The following SAMSN1 variants were observed in gnomAD, a reference collection of about 807,000 sequenced individuals.
SAMSN1 encodes SAM domain, SH3 domain and nuclear localization signals 1.
In SAMSN1, 31 loss-of-function variants were observed where a neutral mutation model predicts 42.0. The ratio of observed to expected loss-of-function variants is 0.74; its 90% CI spans 0.55 to 1.00. The LOEUF (loss-of-function observed/expected upper bound fraction) is 1.00. SAMSN1 is among the 50% of genes least tolerant of loss of function. The pLI is 0.00. For missense variants in SAMSN1, 464 were observed against 439.4 expected, an observed-to-expected ratio of 1.06 and a Z score of -0.50; for synonymous variants, 178 against 151.9, an observed-to-expected ratio of 1.17 and a Z score of -1.26.
intron 5 of SAMSN1, among the ~76,000 whole-genome samples, chr21:14,501,819 A>G (rs1393837419): frequency 6.6e-6 from 1 of 152,246 alleles, no homozygotes; most frequent in African/African-American, 2.4e-5. Flanking sequence ...TTTAGATTGA[A>G]GTATGAATGA....
At chr21:14,554,576 G>A (rs1980697693) in intron 2 of SAMSN1, among the ~76,000 whole-genome samples, 1 of 151,950 alleles carries the variant, frequency 6.6e-6, no homozygotes, top group African/African-American at 2.4e-5. Context: ...TATGTCTGGA[G>A]ATTGTGCTCT....
intron 6 of SAMSN1, among the ~76,000 whole-genome samples, chr21:14,600,612 C>T (rs543796819): frequency 6.6e-6 from 1 of 152,150 alleles, no homozygotes; most frequent in African/African-American, 2.4e-5. Flanking sequence ...ATTCAAAGAA[C>T]TTTCTATGTT....
intron 5 of SAMSN1, among the ~76,000 whole-genome samples, chr21:14,509,341 G>A (rs1299588525): frequency 6.6e-6 from 1 of 152,144 alleles, no homozygotes; most frequent in Non-Finnish European, 1.5e-5. Flanking sequence ...TCATAAGCAA[G>A]AGCTAAGCTA....
At chr21:14,549,119 G>A (rs1201445456), upstream of SAMSN1, among the ~76,000 whole-genome samples, 4 of 152,156 alleles carry the variant, frequency 2.6e-5, no homozygotes, top group East Asian at 7.7e-4. Context: ...AAAGTAAGGT[G>A]AGCCATAAAA....
chr21:14,520,434 T>C (rs1222857747), intron 2 of SAMSN1, among the ~76,000 whole-genome samples: 1 of 152,252 alleles, frequency 6.6e-6, no homozygotes, highest in African/African-American at 2.4e-5. Flanking sequence ...ATACTCACAT[T>C]GTTTTATAGT....
intron 1 of SAMSN1, among the ~76,000 whole-genome samples, chr21:14,523,112 G>A (rs1978599555): frequency 6.6e-6 from 1 of 152,092 alleles, no homozygotes; most frequent in Non-Finnish European, 1.5e-5. Context: ...AACTGTTTTT[G>A]GAGGACCTGC....
At chr21:14,552,756 G>A (rs1042604826) in intron 2 of SAMSN1, among the ~76,000 whole-genome samples, 7 of 152,082 alleles carry the variant, frequency 4.6e-5, no homozygotes, top group African/African-American at 1.2e-4. Flanking sequence ...CCATTTGCTC[G>A]AGTTGGAGGT....
intron 6 of SAMSN1, among the ~76,000 whole-genome samples, chr21:14,500,054 C>A (rs543422415): frequency 3.3e-5 from 5 of 152,074 alleles, no homozygotes; most frequent in Non-Finnish European, 7.4e-5. Context: ...AATCATTATG[C>A]GGCTTGATGA....
At chr21:14,549,812 C>T (rs572845026), upstream of SAMSN1, among the ~76,000 whole-genome samples, 3 of 152,120 alleles carry the variant, frequency 2.0e-5, no homozygotes, top group East Asian at 5.8e-4. Flanking sequence ...TTTTGGCCCC[C>T]TCAGAGTAGA....
chr21:14,606,898 C>T (rs1181317189), intron 5 of SAMSN1, among the ~76,000 whole-genome samples: 1 of 152,152 alleles, frequency 6.6e-6, no homozygotes, highest in Non-Finnish European at 1.5e-5. Flanking sequence ...AGACAGAAAT[C>T]TTAGCTAAAT....
upstream of SAMSN1, among the ~76,000 whole-genome samples, chr21:14,549,410 G>T (rs1369434856): frequency 6.6e-6 from 1 of 152,090 alleles, no homozygotes; most frequent in Non-Finnish European, 1.5e-5. Context: ...AAATCTTTTA[G>T]AATGAAAGTA....
At chr21:14,535,000 T>A (rs1979515096) in intron 1 of SAMSN1, among the ~76,000 whole-genome samples, 1 of 152,032 alleles carries the variant, frequency 6.6e-6, no homozygotes, top group Non-Finnish European at 1.5e-5. Context: ...TAGATAAGAA[T>A]TCATGAGTTG....
rs147767494 is a variant in SAMSN1 at position 14,523,574 on chromosome 21, C to T, written c.58-2353G>A. Among the ~76,000 whole-genome samples, 18 of 152,264 alleles carry T rather than the reference C, an allele frequency of 1.2e-4. No individual in the cohort carries two copies. The South Asian group carries it at 1.2e-3, about 11-fold the overall frequency. ...TCAGCAATCACAGAAGGGAATTGAG[C>T]GTATTGTTGTCCTGCTTATAAACAA... On this transcript the variant is annotated intron_variant, in intron 1 of 7. Coordinates refer to ENST00000400566, the MANE Select transcript of SAMSN1 (RefSeq NM_022136.5).
chr21:14,576,740 T>G (rs1303092505), intron 2 of SAMSN1, among the ~76,000 whole-genome samples: 3 of 152,204 alleles, frequency 2.0e-5, no homozygotes, highest in Admixed American at 1.3e-4. Context: ...TACCTTTAAG[T>G]ACAGCTTTGT....
intron 5 of SAMSN1, among the ~76,000 whole-genome samples, chr21:14,510,055 C>T (rs552573174): frequency 1.3e-5 from 2 of 151,686 alleles, no homozygotes; most frequent in East Asian, 1.9e-4. Context: ...AGGAGAATGG[C>T]GTGAACCCGG....
rs767931839 is a variant in SAMSN1, at chr21:14,577,238, GTATATATATATATATATA to G, written c.261+4880_261+4897del. Among the ~76,000 whole-genome samples the G allele has an allele frequency of 6.2e-3, 174 of 28,176 alleles. 5 individuals are homozygous for G. The highest frequency in any genetic ancestry group is 6.8e-3 in the Non-Finnish European group (117 of 17,274). The allele number at this position is 28,176 out of a possible 152,430, so 18.5% of individuals were successfully genotyped here. On this transcript the variant is annotated intron_variant, in intron 2 of 8. Coordinates refer to the SAMSN1 transcript ENST00000285670. ...GGTGGGCTAATTTATATATATGTGT[GTATATATATATATATATA>G]TATATATATATATATATATATATAT...
chr21:14,495,505 C>T (rs427307), intron 7 of SAMSN1, among the ~76,000 whole-genome samples: 48,965 of 152,028 alleles, frequency 0.32, 9,174 homozygotes, highest in Non-Finnish European at 0.44. Context: ...AGAAAAATCT[C>T]AGAGTAGTGT....
At chr21:14,615,864 A>G (rs1447297887) in intron 3 of SAMSN1, 2 of 34,390 alleles carry the variant, frequency 5.8e-5, no homozygotes, top group Non-Finnish European at 1.5e-4. Context: ...TGACAGCTGC[A>G]AAAAAAAAAA....
chr21:14,594,626 C>T (rs1045319757), intron 6 of SAMSN1: 1 of 152,162 alleles, frequency 6.6e-6, no homozygotes, highest in African/African-American at 2.4e-5. Context: ...TCAGTGTAAC[C>T]TTCTAACTGT....
Sources: gnomAD v4.1 joint callset for allele counts (sites outside exome capture counted in the v4.1 genomes callset) on GRCh38, gnomAD v4.1.1 for gene constraint, MANE v1.5 for transcripts, NCBI Gene and HGNC (gene_info 2026-07-23, HGNC 2026-07-21) for gene names.